Variants in SLC5A11 observed in about 807,000 individuals in gnomAD.
The protein encoded by SLC5A11 is solute carrier family 5 member 11.
In SLC5A11, 48 loss-of-function variants were observed where a neutral mutation model predicts 69.8. The ratio of observed to expected loss-of-function variants is 0.69; its 90% CI spans 0.55 to 0.87. The LOEUF is 0.87. Among genes scored for constraint, SLC5A11 ranks in the 40% least tolerant of loss-of-function variants. The pLI is 0.00. For synonymous variants in SLC5A11, 319 were observed against 342.4 expected (o/e 0.93, Z 0.75); for missense variants, 784 against 866.1 (o/e 0.91, Z 1.19).
chr16:24,910,431 CGTCCA>C lies in SLC5A11; in HGVS notation c.1779_1783del (p.Gln594ArgfsTer9). The C allele has an allele frequency of 6.2e-7, 1 of 1,614,120 alleles. No homozygotes were observed. Among genetic ancestry groups the C allele is most frequent in the Non-Finnish European group, 8.5e-7 (1 of 1,180,024 alleles). On this transcript the variant is annotated frameshift_variant, in exon 15 of 16. Transcript: ENST00000347898. LOFTEE classifies it low-confidence loss of function (END_TRUNC). ...TGCCAGAGGCCAGCAGCAGCAGCAG[CGTCCA>C]GTTCGAGATGGTTCAAGAAAACACG...
At chr16:24,887,695 A>T (rs2068815365) in intron 8 of SLC5A11, among the ~76,000 whole-genome samples, 1 of 152,210 alleles carries the variant, frequency 6.6e-6, no homozygotes, top group Non-Finnish European at 1.5e-5. Context: ...TCTTATAAGC[A>T]GTTACAATCT....
At chr16:24,856,597 C>CAAAA (rs35867622) in intron 1 of SLC5A11, among the ~76,000 whole-genome samples, 3 of 88,830 alleles carry the variant, frequency 3.4e-5, no homozygotes, top group Non-Finnish European at 6.3e-5. Context: ...ACTAAAAATA[C>CAAAA]AAAAAAAAAA....
At chr16:24,886,538 TTAAAG>T (rs10617172) in intron 8 of SLC5A11, among the ~76,000 whole-genome samples, 58,604 of 151,800 alleles carry the variant, frequency 0.39, 12,522 homozygotes, top group Non-Finnish European at 0.49. Context: ...AAGTAAATAA[TTAAAG>T]TAATCACAAA....
At chr16:24,856,080 G>C (rs1468134827) in intron 1 of SLC5A11, among the ~76,000 whole-genome samples, 2 of 152,186 alleles carry the variant, frequency 1.3e-5, no homozygotes, top group East Asian at 3.8e-4. Flanking sequence ...GTGTGCACTG[G>C]AGGTGTTCCT....
intron 1 of SLC5A11, among the ~76,000 whole-genome samples, chr16:24,848,060 C>T (rs1252495580): frequency 3.3e-5 from 5 of 152,174 alleles, no homozygotes; most frequent in African/African-American, 7.2e-5. Context: ...GGATATACAG[C>T]AGGCTGACAT....
Position 24,860,404 on chromosome 16 carries a change from T to C in SLC5A11, c.135+1626T>C, listed in dbSNP as rs1011855335. On this transcript the variant is annotated intron_variant, in intron 2 of 15. Transcript: ENST00000347898. Reference sequence around the variant, plus strand: ...CTGGGAAGCAGAGGTTGTGGTGAGCTGAGATTGTGCCATTGCGCTCCAGCT... The same window carrying C: ...CTGGGAAGCAGAGGTTGTGGTGAGCCGAGATTGTGCCATTGCGCTCCAGCT... Among the ~76,000 whole-genome samples, 6 of 152,200 alleles carry C rather than the reference T, an allele frequency of 3.9e-5. 1 individual carries two copies. Among genetic ancestry groups the C allele is most frequent in the Admixed American group, 1.3e-4 (2 of 15,282 alleles).
chr16:24,880,700 G>T (rs2047989054), intron 7 of SLC5A11, among the ~76,000 whole-genome samples: 2 of 152,022 alleles, frequency 1.3e-5, no homozygotes, highest in Admixed American at 1.3e-4. Context: ...ACTGGGGATG[G>T]TGCTGAATCA....
chr16:24,849,614 A>ATATATATATATATATATC (rs2059208906), intron 1 of SLC5A11, among the ~76,000 whole-genome samples: 1 of 130,244 alleles, frequency 7.7e-6, no homozygotes. Context: ...ATATATATAT[A>ATATATATATATATATATC]TATATATATC....
intron 1 of SLC5A11, 47 bp from the exon 3 acceptor site, chr16:24,858,573 G>T (rs2059629062): frequency 1.3e-6 from 2 of 1,530,240 alleles, no homozygotes; most frequent in Admixed American, 1.9e-5. Context: ...AGGGTGAGAA[G>T]AATGATGCTA....
intron 10 of SLC5A11, among the ~76,000 whole-genome samples, chr16:24,901,806 C>T (rs776918707): frequency 2.0e-5 from 3 of 151,576 alleles, no homozygotes; most frequent in African/African-American, 7.3e-5. Context: ...TAAATAAGGC[C>T]AGGTGCAGTG....
At chr16:24,847,857 G>A (rs907815529) in intron 1 of SLC5A11, among the ~76,000 whole-genome samples, 3 of 152,246 alleles carry the variant, frequency 2.0e-5, no homozygotes, top group Non-Finnish European at 4.4e-5. Flanking sequence ...TTGCATGCCT[G>A]TTTTGGGGAC....
chr16:24,869,279 A>G (rs1319136041), intron 3 of SLC5A11, among the ~76,000 whole-genome samples: 3 of 151,824 alleles, frequency 2.0e-5, no homozygotes, highest in Admixed American at 1.3e-4. Flanking sequence ...GCACACACAC[A>G]CCTCACTGGT....
intron 2 of SLC5A11, among the ~76,000 whole-genome samples, chr16:24,860,033 C>T (rs976354032): frequency 1.3e-5 from 2 of 152,284 alleles, no homozygotes; most frequent in East Asian, 3.9e-4. Context: ...CGCCTGTAAT[C>T]CCAGCACTTT....
chr16:24,904,435 A>AT (rs2049868431), intron 10 of SLC5A11, among the ~76,000 whole-genome samples: 1 of 152,138 alleles, frequency 6.6e-6, no homozygotes, highest in African/African-American at 2.4e-5. Context: ...CTTTTTGATG[A>AT]TCCCCATTCT....
intron 1 of SLC5A11, among the ~76,000 whole-genome samples, chr16:24,848,577 T>G (rs1040814533): frequency 6.6e-6 from 1 of 152,178 alleles, no homozygotes; most frequent in African/African-American, 2.4e-5. Flanking sequence ...GTCACTGCAC[T>G]TTAGCCCAGG....
At chr16:24,880,642 CACA>C (rs1567630562) in intron 7 of SLC5A11, among the ~76,000 whole-genome samples, 4 of 152,212 alleles carry the variant, frequency 2.6e-5, no homozygotes, top group Admixed American at 1.3e-4. Flanking sequence ...CCTAGTGCTA[CACA>C]CTTTTAAACA....
chr16:24,848,166 G>A (rs938916413), intron 1 of SLC5A11, among the ~76,000 whole-genome samples: 1 of 152,200 alleles, frequency 6.6e-6, no homozygotes, highest in Non-Finnish European at 1.5e-5. Context: ...GCCAGAAATC[G>A]TGTTCCAGGA....
At position 24,875,759 on chromosome 16, in the gene SLC5A11, C is replaced by T. The variant is rs746570569; in HGVS notation, c.477+28C>T. On this transcript the variant is annotated intron_variant, in intron 6 of 15. Transcript: ENST00000347898. ...AAGGCAGGGACACAGCCTGGCCTCA[C>T]CCATGCAGCATGGGGAGAAGATAAG... 17 of 1,568,598 alleles carry T rather than the reference C, an allele frequency of 1.1e-5. No homozygotes were observed. The Admixed American group carries it at 2.4e-4, about 22-fold the overall frequency.
chr16:24,852,257 ACCTT>A (rs1297658718), intron 1 of SLC5A11, among the ~76,000 whole-genome samples: 5 of 152,014 alleles, frequency 3.3e-5, no homozygotes, highest in Admixed American at 3.3e-4. Flanking sequence ...ATCACAGCTC[ACCTT>A]CCCACACCTG....
Sources: gnomAD v4.1 joint callset for allele counts (sites outside exome capture counted in the v4.1 genomes callset) on GRCh38, gnomAD v4.1.1 for gene constraint, MANE v1.5 for transcripts, NCBI Gene and HGNC (gene_info 2026-07-23, HGNC 2026-07-21) for gene names.